Variants in TCHP observed in about 807,000 individuals in gnomAD.
The protein encoded by TCHP is trichoplein keratin filament-binding protein.
Under a neutral mutation model 88.7 loss-of-function variants are expected in TCHP, and 81 were observed. The observed-to-expected ratio is 0.91, with a 90% confidence interval of 0.76 to 1.10. TCHP has a LOEUF of 1.10. TCHP is among the 50% of genes least tolerant of loss of function. The pLI is 0.00. For missense variants in TCHP, 641 were observed against 632.1 expected (o/e 1.01, Z -0.15); for synonymous variants, 232 against 232.5 (o/e 1.00, Z 0.02).
In TCHP at chr12:109,903,920, G is replaced by C; in HGVS notation, c.189-17G>C. The C allele has an allele frequency of 1.3e-6, 2 of 1,587,284 alleles. No homozygotes were observed. Among genetic ancestry groups the C allele is most frequent in the Non-Finnish European group, 1.7e-6 (2 of 1,166,250 alleles). On this transcript the variant is annotated splice_polypyrimidine_tract_variant and intron_variant, in intron 2 of 12. Transcript: ENST00000405876. The surrounding 1 kb of genome is among the most constrained non-coding windows in gnomAD (Gnocchi z 4.6). Reference sequence around the variant, plus strand: ...GGCTGTAGCATGATTGATTCAGGCAGGCCCCCTCTCACCCAGCATGCATGC... The same window carrying C: ...GGCTGTAGCATGATTGATTCAGGCACGCCCCCTCTCACCCAGCATGCATGC...
chr12:109,908,693 G>C lies in TCHP; in HGVS notation c.807G>C (p.Glu269Asp). The C allele has an allele frequency of 6.3e-7, 1 of 1,592,792 alleles. No individual in the cohort carries two copies. The highest frequency in any genetic ancestry group is 8.5e-7 in the Non-Finnish European group (1 of 1,170,960). ...KQMEAFRQKA[E>D]LGRFLRHQYN... ...TGGAAGCCTTCCGGCAGAAGGCAGA[G>C]CTGGGGTGTGTGTCAGAAGGGCCCC... Residue 269 changes from glutamate (E) to aspartate (D), a missense_variant, in exon 7 of 13, where the codon GAG (glutamate) becomes GAC (aspartate). Physicochemically the swap from Glu to Asp is conservative, Grantham distance 45 (BLOSUM62 2). Coordinates refer to ENST00000405876, the MANE Select transcript of TCHP (RefSeq NM_001143852.2).
chr12:109,901,242 G>A (rs1371616685), intron 1 of TCHP, among the ~76,000 whole-genome samples: 1 of 122,896 alleles, frequency 8.1e-6, no homozygotes, highest in Non-Finnish European at 1.6e-5. Flanking sequence ...TTACTTCCTG[G>A]CTCTGTGATC....
chr12:109,903,020 T>A lies in TCHP; in HGVS notation c.1-7T>A. The A allele has an allele frequency of 6.3e-7, 1 of 1,591,300 alleles. No individual in the cohort carries two copies. Among genetic ancestry groups the A allele is most frequent in the South Asian group, 1.1e-5 (1 of 88,976 alleles). On this transcript the variant is annotated splice_region_variant and splice_polypyrimidine_tract_variant and intron_variant, in intron 1 of 12. Transcript: ENST00000405876. This position sits in a 1 kb window ranked among gnomAD's most constrained non-coding sequence, Gnocchi z 4.6. ...GTGGCTCACTTTCCTCCCATTCCTG[T>A]TCTCAGATGGCGCTCCCGACGCTGC...
chr12:109,892,594 C>T, the TCHP span, among the ~76,000 whole-genome samples: 1 of 152,168 alleles, frequency 6.6e-6, no homozygotes, highest in South Asian at 2.1e-4. Context: ...TGTCTGTCAT[C>T]CAGGAATGGC....
At position 109,903,948 on chromosome 12, in the gene TCHP, A is replaced by G. The variant is rs1452750576; in HGVS notation, c.200A>G (p.Tyr67Cys). 7 of 1,607,384 alleles carry G rather than the reference A, an allele frequency of 4.4e-6. No homozygotes were observed. The Admixed American group carries it at 6.8e-5, about 16-fold the overall frequency. The change falls in exon 3 of 13, where the codon TAT (tyrosine) becomes TGT (cysteine). Residue 67 changes from tyrosine to cysteine, a missense_variant. Tyr to Cys is a radical substitution (Grantham distance 194). Transcript: ENST00000405876. This position sits in a 1 kb window ranked among gnomAD's most constrained non-coding sequence, Gnocchi z 4.6. ...CCCCTCTCACCCAGCATGCATGCCT[A>G]TCAGCGGGAGAAGATGAAGGAGGAG... Reference protein sequence around the residue: ...KTSYQRSMHAYQREKMKEEKR... With the variant: ...KTSYQRSMHACQREKMKEEKR...
At chr12:109,909,267 A>G (rs12581544) in intron 8 of TCHP, among the ~76,000 whole-genome samples, 7,867 of 152,274 alleles carry the variant, frequency 0.052, 286 homozygotes, top group East Asian at 0.11. Flanking sequence ...CTGTGTGTAT[A>G]CATAGATGGA....
chr12:109,916,477 G>A, intron 12 of TCHP, 114 bp from the exon 13 acceptor site: 3 of 1,167,440 alleles, frequency 2.6e-6, no homozygotes, highest in Non-Finnish European at 3.6e-6. Context: ...TTTTCAGCTG[G>A]AAATGAAACA....
At chr12:109,916,524 A>C in intron 12 of TCHP, 67 bp from the exon 13 acceptor site, 1 of 1,489,484 alleles carries the variant, frequency 6.7e-7, no homozygotes, top group Non-Finnish European at 9.1e-7. Flanking sequence ...TAGTTAAAAC[A>C]AGGTTAATTC....
intron 4 of TCHP, 92 bp downstream of exon 4, chr12:109,904,885 T>A: frequency 8.2e-7 from 1 of 1,226,460 alleles, no homozygotes. Context: ...TGTACCGGGT[T>A]GAAACAGAGG....
the TCHP span, among the ~76,000 whole-genome samples, chr12:109,893,892 CTT>C: frequency 4.9e-4 from 75 of 152,132 alleles, no homozygotes; most frequent in Non-Finnish European, 7.9e-4. Context: ...GGGCTAAAGA[CTT>C]TATTGGAGGC....
chr12:109,904,202 G>C, intron 3 of TCHP, 55 bp downstream of exon 3: 1 of 1,494,748 alleles, frequency 6.7e-7, no homozygotes, highest in Non-Finnish European at 9.1e-7. Flanking sequence ...CCCAGCCTGA[G>C]TGTGTCGCAC....
intron 10 of TCHP, 25 bp downstream of exon 10, chr12:109,913,097 A>C: frequency 3.1e-6 from 5 of 1,612,098 alleles, no homozygotes; most frequent in Non-Finnish European, 4.2e-6. Flanking sequence ...GGCGATGTGG[A>C]CCGGCTGTTG....
At chr12:109,894,837 G>A in the TCHP span, among the ~76,000 whole-genome samples, 1 of 151,496 alleles carries the variant, frequency 6.6e-6, no homozygotes, top group East Asian at 1.9e-4. Context: ...CCCTCAGGGA[G>A]TTCTACTTGT....
At position 109,903,277 on chromosome 12, in the gene TCHP, G is replaced by C; in HGVS notation, c.188+63G>C. The stretch of plus-strand genomic sequence containing the variant: ...GACCACTTGCTGGTCAGGGGATGAG[G>C]CCTTAAGGATTTAGGGAGCGTAGGA... On this transcript the variant is annotated intron_variant, in intron 2 of 12. Coordinates refer to ENST00000405876, the MANE Select transcript of TCHP (RefSeq NM_001143852.2). The surrounding 1 kb of genome is among the most constrained non-coding windows in gnomAD (Gnocchi z 4.6). 2 of 1,506,956 alleles carry C rather than the reference G, an allele frequency of 1.3e-6. No individual in the cohort carries two copies. The highest frequency in any genetic ancestry group is 1.8e-6 in the Non-Finnish European group (2 of 1,099,232). The allele number at this position is 1,506,956 out of a possible 1,614,324, so 93.3% of individuals were successfully genotyped here. A position where few individuals can be genotyped will look rare whatever the true frequency, so the allele number is the denominator to read the frequency against.
intron 1 of TCHP, among the ~76,000 whole-genome samples, chr12:109,902,587 C>T (rs1869866385): frequency 6.6e-6 from 1 of 152,196 alleles, no homozygotes; most frequent in Admixed American, 6.5e-5. Flanking sequence ...GACTCTCCTG[C>T]CTCAGCCTCC....
intron 9 of TCHP, among the ~76,000 whole-genome samples, chr12:109,912,092 C>G (rs966171129): frequency 6.6e-6 from 1 of 152,150 alleles, no homozygotes; most frequent in Non-Finnish European, 1.5e-5. Flanking sequence ...CTATGCCCAG[C>G]CAGAAGGAAG....
At chr12:109,898,768 T>C (rs1381996426), upstream of TCHP, among the ~76,000 whole-genome samples, 1 of 152,184 alleles carries the variant, frequency 6.6e-6, no homozygotes, top group Non-Finnish European at 1.5e-5. Flanking sequence ...GCTAGGACTA[T>C]AGGTGTGCAC....
the TCHP span, among the ~76,000 whole-genome samples, chr12:109,890,132 C>G: frequency 6.6e-6 from 1 of 152,146 alleles, no homozygotes; most frequent in Non-Finnish European, 1.5e-5. Context: ...GGGGCAGCCT[C>G]AGGGGCTGAG....
chr12:109,904,910 C>T (rs1179839825), intron 4 of TCHP, 117 bp downstream of exon 4: 3 of 910,118 alleles, frequency 3.3e-6, no homozygotes, highest in Admixed American at 5.2e-5. Flanking sequence ...AACCTTGAGC[C>T]ACCTGAAAAG....
Sources: gnomAD v4.1 joint callset for allele counts (sites outside exome capture counted in the v4.1 genomes callset) on GRCh38, gnomAD v4.1.1 for gene constraint, Gnocchi (gnomAD v3.1) non-coding constraint, MANE v1.5 for transcripts, NCBI Gene and HGNC (gene_info 2026-07-23, HGNC 2026-07-21) for gene names.